The following TSHZ2 variants were observed in gnomAD, a reference collection of about 807,000 sequenced individuals.
TSHZ2 encodes the protein teashirt zinc finger homeobox 2.
In TSHZ2, 21 loss-of-function variants were observed where a neutral mutation model predicts 74.4. The ratio of observed to expected loss-of-function variants is 0.28; its 90% CI spans 0.20 to 0.41. The LOEUF is 0.41. Among genes scored for constraint, TSHZ2 ranks in the 10% least tolerant of loss-of-function variants. The pLI, the probability that TSHZ2 is intolerant of heterozygous loss-of-function variation, is 1.00. For missense variants in TSHZ2, 1,244 were observed against 1,293.5 expected, an observed-to-expected ratio of 0.96 and a Z score of 0.59; for synonymous variants, 540 against 515.3, an observed-to-expected ratio of 1.05 and a Z score of -0.65.
intron 2 of TSHZ2, among the ~76,000 whole-genome samples, chr20:53,281,828 G>A (rs376605712): frequency 6.6e-6 from 1 of 152,162 alleles, no homozygotes; most frequent in Non-Finnish European, 1.5e-5. Context: ...GTAAGCAAGG[G>A]CTGGGCTACC....
At position 53,216,777 on chromosome 20, in the gene TSHZ2, G is replaced by T. The variant is rs915132150; in HGVS notation, c.41-36722G>T. Among the ~76,000 whole-genome samples the T allele has an allele frequency of 1.1e-4, 17 of 152,312 alleles. 1 individual carries two copies. Among genetic ancestry groups the T allele is most frequent in the Admixed American group, 7.2e-4 (11 of 15,306 alleles). On this transcript the variant is annotated intron_variant, in intron 1 of 2. Coordinates refer to ENST00000371497, the MANE Select transcript of TSHZ2 (RefSeq NM_173485.6). ...ATCAATCCTCTTTCCCCTTAATCAT[G>T]TGGGTTGTTCTTCTCTGAACTTGCT...
intron 1 of TSHZ2, among the ~76,000 whole-genome samples, chr20:53,183,441 A>G (rs1366282792): frequency 2.6e-5 from 4 of 152,180 alleles, no homozygotes; most frequent in African/African-American, 4.8e-5. Flanking sequence ...AGTAACCCAC[A>G]TGCAGAGCAG....
At chr20:53,001,782 G>T (rs535898237) in intron 1 of TSHZ2, among the ~76,000 whole-genome samples, 1 of 152,178 alleles carries the variant, frequency 6.6e-6, no homozygotes, top group Non-Finnish European at 1.5e-5. Context: ...TTAACGTTAC[G>T]TATGTCTTCC....
chr20:53,484,051 C>T (rs1986228214), intron 2 of TSHZ2, among the ~76,000 whole-genome samples: 1 of 152,176 alleles, frequency 6.6e-6, no homozygotes, highest in Admixed American at 6.5e-5. Flanking sequence ...TCCAAAAGTC[C>T]ACCAATTTGT....
intron 2 of TSHZ2, among the ~76,000 whole-genome samples, chr20:53,329,596 G>T (rs1381621153): frequency 6.6e-6 from 1 of 151,646 alleles, no homozygotes; most frequent in African/African-American, 2.4e-5. Flanking sequence ...ACCCACATGT[G>T]GGATTTGGTC....
intron 1 of TSHZ2, among the ~76,000 whole-genome samples, chr20:53,199,930 G>C (rs1369617933): frequency 6.6e-6 from 1 of 152,194 alleles, no homozygotes; most frequent in Non-Finnish European, 1.5e-5. Context: ...ACATCACGTA[G>C]TATAGCATGG....
chr20:53,391,266 C>A (rs1254678683), intron 2 of TSHZ2, among the ~76,000 whole-genome samples: 2 of 152,132 alleles, frequency 1.3e-5, no homozygotes, highest in South Asian at 4.1e-4. Context: ...CCTGCCTCAG[C>A]CTCCCGAGTA....
At chr20:53,307,722 C>A (rs1370528645) in intron 2 of TSHZ2, among the ~76,000 whole-genome samples, 1 of 152,168 alleles carries the variant, frequency 6.6e-6, no homozygotes, top group African/African-American at 2.4e-5. Context: ...CCCATTTAAC[C>A]ACCCGCCAGA....
intron 1 of TSHZ2, among the ~76,000 whole-genome samples, chr20:53,073,126 C>T (rs944536348): frequency 4.9e-5 from 7 of 143,176 alleles, no homozygotes; most frequent in African/African-American, 1.8e-4. Context: ...TCATCCATTC[C>T]TCCATCCATC....
At chr20:53,090,347 G>A (rs551752388) in intron 1 of TSHZ2, among the ~76,000 whole-genome samples, 59 of 152,240 alleles carry the variant, frequency 3.9e-4, no homozygotes, top group East Asian at 9.7e-4. Flanking sequence ...AATACTTGGC[G>A]TCCTTCAATT....
At chr20:53,249,883 G>A (rs1302726700) in intron 1 of TSHZ2, among the ~76,000 whole-genome samples, 1 of 152,194 alleles carries the variant, frequency 6.6e-6, no homozygotes, top group African/African-American at 2.4e-5. Flanking sequence ...CTTTTACAAA[G>A]AATCTTCTAG....
intron 2 of TSHZ2, among the ~76,000 whole-genome samples, chr20:53,258,369 A>G (rs1406549701): frequency 6.6e-6 from 1 of 152,124 alleles, no homozygotes; most frequent in African/African-American, 2.4e-5. Flanking sequence ...TTAAAAAAAA[A>G]GAGGGGGGGC....
At chr20:53,436,533 A>ATTT (rs1444141242) in intron 2 of TSHZ2, among the ~76,000 whole-genome samples, 5 of 115,930 alleles carry the variant, frequency 4.3e-5, no homozygotes, top group African/African-American at 1.0e-4. Context: ...ATTTATTATT[A>ATTT]TTATTATTAT....
intron 1 of TSHZ2, among the ~76,000 whole-genome samples, chr20:53,154,657 C>T (rs1043508014): frequency 1.3e-5 from 2 of 152,180 alleles, no homozygotes; most frequent in Admixed American, 6.5e-5. Flanking sequence ...GCACTGAAAT[C>T]TAGAGGTAAC....
At chr20:53,060,285 G>A (rs1159180147) in intron 1 of TSHZ2, among the ~76,000 whole-genome samples, 1 of 152,204 alleles carries the variant, frequency 6.6e-6, no homozygotes. Context: ...TTTGAGGGCT[G>A]TAGAATGTAT....
intron 2 of TSHZ2, among the ~76,000 whole-genome samples, chr20:53,428,026 A>G (rs1983717543): frequency 6.6e-6 from 1 of 152,190 alleles, no homozygotes; most frequent in Non-Finnish European, 1.5e-5. Context: ...GACTCTACTG[A>G]TAAAGGCTTT....
intron 2 of TSHZ2, among the ~76,000 whole-genome samples, chr20:53,392,926 C>T (rs938447113): frequency 3.9e-5 from 6 of 152,140 alleles, no homozygotes; most frequent in South Asian, 2.1e-4. Context: ...CTCCACCTCC[C>T]GATTTCAAGC....
rs780826702 is a variant in TSHZ2, at chr20:53,254,302, G to A, written c.844G>A (p.Asp282Asn). 9.3e-6 allele frequency: 15 copies of A among 1,613,954 alleles called. No homozygotes were observed. The highest frequency in any genetic ancestry group is 1.7e-5 in the Admixed American group (1 of 60,002). The change falls in exon 2 of 3, where the codon GAC becomes AAC. Residue 282 changes from aspartate to asparagine, a missense_variant. By Grantham distance (23) the Asp-to-Asn change is conservative. Around this residue, in one of 6 missense-constraint regions of TSHZ2, gnomAD observed 470 missense variants for 456.5 expected, o/e 1.03. Transcript: ENST00000371497. ...QKVLKCMFCG[D>N]SFDSLQDLSV... Reference sequence around the variant, plus strand: ...GGTTCTGAAATGTATGTTTTGTGGCGACTCCTTTGATTCCCTCCAAGATTT... The same window carrying A: ...GGTTCTGAAATGTATGTTTTGTGGCAACTCCTTTGATTCCCTCCAAGATTT...
intron 2 of TSHZ2, among the ~76,000 whole-genome samples, chr20:53,261,652 T>C (rs562931262): frequency 1.3e-5 from 2 of 152,346 alleles, no homozygotes; most frequent in African/African-American, 4.8e-5. Flanking sequence ...TTTGGACTTT[T>C]GAATGCTCAA....
Sources: gnomAD v4.1 joint callset for allele counts (sites outside exome capture counted in the v4.1 genomes callset) on GRCh38, gnomAD v4.1.1 for gene constraint, gnomAD v4.1.1 regional missense constraint, MANE v1.5 for transcripts, NCBI Gene and HGNC (gene_info 2026-07-23, HGNC 2026-07-21) for gene names.